The following UNC13A variants were observed in gnomAD, a reference collection of about 807,000 sequenced individuals.
UNC13A encodes unc-13 homolog A.
Under a neutral mutation model 219.7 loss-of-function variants are expected in UNC13A, and 61 were observed. That is an observed-to-expected ratio of 0.28 (90% CI 0.23 to 0.34). The LOEUF (loss-of-function observed/expected upper bound fraction) is 0.34, where lower values mean the gene tolerates loss of function less well. UNC13A is among the 10% of genes least tolerant of loss of function. The pLI is 1.00. For missense variants in UNC13A, 1,476 were observed against 2,270.3 expected, an observed-to-expected ratio of 0.65 and a Z score of 7.11; for synonymous variants, 920 against 884.6, an observed-to-expected ratio of 1.04 and a Z score of -0.71.
At chr19:17,620,516 AACCCCCCACCCACC>A (rs1463728314) in intron 38 of UNC13A, among the ~76,000 whole-genome samples, 163 bp downstream of exon 38, 1 of 138,228 alleles carries the variant, frequency 7.2e-6, no homozygotes, top group Non-Finnish European at 1.6e-5. Flanking sequence ...CCTACCCACC[AACCCCCCACCCACC>A]ACCCCCCACG....
chr19:17,672,533 G>A (rs1465009701), intron 3 of UNC13A, 38 bp from the exon 4 acceptor site: 1 of 1,548,202 alleles, frequency 6.5e-7, no homozygotes, highest in East Asian at 2.3e-5. Flanking sequence ...GGGAGCAGGA[G>A]GGAGGAAACG....
chr19:17,624,365 C>T (rs1286882826), intron 35 of UNC13A, among the ~76,000 whole-genome samples: 3 of 152,132 alleles, frequency 2.0e-5, no homozygotes, highest in East Asian at 1.9e-4. Flanking sequence ...GCAATCTGCC[C>T]GCCTCGAGCC....
intron 41 of UNC13A, among the ~76,000 whole-genome samples, chr19:17,615,665 A>G (rs2076654970): frequency 6.6e-6 from 1 of 152,176 alleles, no homozygotes; most frequent in Non-Finnish European, 1.5e-5. Flanking sequence ...CCTGGGTGAC[A>G]GAGTGAGACT....
In UNC13A at chr19:17,655,370, T is replaced by C. The variant is rs1220187667; in HGVS notation, c.1296A>G (p.Arg432=). Reference sequence around the variant, plus strand: ...GCCCCTCCTGGCCTTCCTCATCCTCTCTCGGCCTGAAACTGAGGCAGGGAA... The same window carrying C: ...GCCCCTCCTGGCCTTCCTCATCCTCCCTCGGCCTGAAACTGAGGCAGGGAA... The part of the protein sequence containing the change: ...PPKDEESFRP[R]EDEEGQEGQD... Residue 432 remains arginine, a synonymous_variant, in exon 11 of 44, where the codon AGA becomes AGG. Coordinates refer to ENST00000519716, the MANE Select transcript of UNC13A (RefSeq NM_001080421.3). 3.2e-6 allele frequency: 5 copies of C among 1,582,724 alleles called. No individual in the cohort carries two copies. In the East Asian group the frequency reaches 1.2e-4, roughly 36 times the overall value.
rs1660853144 is a variant in UNC13A at position 17,609,979 on chromosome 19, T to C, written c.4772A>G (p.Asn1591Ser). The change falls in exon 43 of 44, where the codon AAC (asparagine) becomes AGC (serine). Residue 1591 changes from asparagine (N) to serine (S), a missense_variant. Transcript: ENST00000519716. The stretch of plus-strand genomic sequence containing the variant: ...ATTGTACTTGGGAGCCCAGCTATTG[T>C]TCTTGGATTTGGTCGCAAACTTGCG... ...KKRKFATKSK[N>S]NSWAPKYNES... The C allele has an allele frequency of 6.2e-7, 1 of 1,613,968 alleles. No homozygotes were observed. Among genetic ancestry groups the C allele is most frequent in the Admixed American group, 1.7e-5 (1 of 60,020 alleles).
Position 17,658,295 on chromosome 19 carries a change from G to C in UNC13A, c.560-26C>G. 5 of 1,594,822 alleles carry C rather than the reference G, an allele frequency of 3.1e-6. No homozygotes were observed. In the Middle Eastern group the frequency reaches 5.0e-4, roughly 158 times the overall value. On this transcript the variant is annotated intron_variant, in intron 8 of 43. Coordinates refer to ENST00000519716, the MANE Select transcript of UNC13A (RefSeq NM_001080421.3). Reference sequence around the variant, plus strand: ...CTGGAAGAGAGAGGCGGTATGGGAAGAGGGTGAGGAAGAGAGAGTGCACAT... The same window carrying C: ...CTGGAAGAGAGAGGCGGTATGGGAACAGGGTGAGGAAGAGAGAGTGCACAT...
In UNC13A at chr19:17,668,096, C is replaced by A. The variant is rs191971056; in HGVS notation, c.468+21G>T. 4.1e-4 allele frequency: 658 copies of A among 1,610,750 alleles called. 3 individuals are homozygous for A. The African/African-American group carries it at 7.8e-3, about 19-fold the overall frequency. On this transcript the variant is annotated intron_variant, in intron 6 of 43. Coordinates refer to ENST00000519716, the MANE Select transcript of UNC13A (RefSeq NM_001080421.3). ...AGACAGAAACAAGGAAGAAACAGTC[C>A]CCTCCCACCCCAACACTCACTTCAT...
Position 17,620,814 on chromosome 19 carries a change from C to T in UNC13A, c.4243-92G>A, listed in dbSNP as rs900236430. ...CCTGCCCCCTCAAAGCACAGTCTCA[C>T]TTCCCAGCCCAGGAGCTCCTCCCCA... On this transcript the variant is annotated intron_variant, in intron 37 of 43. Coordinates refer to ENST00000519716, the MANE Select transcript of UNC13A (RefSeq NM_001080421.3). 2.7e-6 allele frequency: 4 copies of T among 1,464,306 alleles called. No individual in the cohort carries two copies. In the African/African-American group the frequency reaches 5.6e-5, roughly 20 times the overall value. The allele number at this position is 1,464,306 out of a possible 1,614,324, so 90.7% of individuals were successfully genotyped here. A position where few individuals can be genotyped will look rare whatever the true frequency, so the allele number is the denominator to read the frequency against.
chr19:17,652,850 A>G (rs1437819659), intron 11 of UNC13A, among the ~76,000 whole-genome samples, 173 bp from the exon 12 acceptor site: 1 of 152,124 alleles, frequency 6.6e-6, no homozygotes, highest in African/African-American at 2.4e-5. Flanking sequence ...TAGTTTGTCC[A>G]TCTGTAAGAT....
intron 28 of UNC13A, among the ~76,000 whole-genome samples, chr19:17,631,047 CCGTCCATCCT>C: frequency 6.7e-6 from 1 of 149,468 alleles, no homozygotes; most frequent in Admixed American, 6.7e-5. Flanking sequence ...TCTGAGTCCT[CCGTCCATCCT>C]TCCCTCCCTC....
chr19:17,624,954 T>TG lies in UNC13A; in HGVS notation c.4074-3dup. 1.9e-6 allele frequency: 3 copies of TG among 1,612,950 alleles called. No individual in the cohort carries two copies. The highest frequency in any genetic ancestry group is 2.5e-6 in the Non-Finnish European group (3 of 1,179,210). On this transcript the variant is annotated splice_polypyrimidine_tract_variant and splice_region_variant and intron_variant, in intron 34 of 43. Coordinates refer to ENST00000519716, the MANE Select transcript of UNC13A (RefSeq NM_001080421.3). ...CAGATTTTGGCAAAGAGGGTCAGGC[T>TG]GGGGACGAGGGGCAGGTCTGAGAGA...
chr19:17,601,394 A>G lies in UNC13A; in HGVS notation c.*4660T>C, dbSNP rs1277603066. 6.6e-6 allele frequency: 1 copy of G among 152,640 alleles called. No individual in the cohort carries two copies. The highest frequency in any genetic ancestry group is 1.9e-4 in the East Asian group (1 of 5,204). 9.5% of individuals were successfully genotyped at this position (152,640 alleles called of 1,614,324 possible). A position where few individuals can be genotyped will look rare whatever the true frequency, so the allele number is the denominator to read the frequency against. On this transcript the variant is annotated 3_prime_UTR_variant, in exon 44 of 44. Coordinates refer to ENST00000519716, the MANE Select transcript of UNC13A (RefSeq NM_001080421.3). ...TTAATAAAATATTTTTACAGAGACC[A>G]AAAAGTCAGAATAGTGCAAAACATC...
intron 26 of UNC13A, among the ~76,000 whole-genome samples, chr19:17,634,166 G>T (rs1186228566): frequency 6.6e-6 from 1 of 150,880 alleles, no homozygotes; most frequent in East Asian, 2.0e-4. Context: ...CTATTTATCT[G>T]TCCTTCCATC....
In UNC13A at chr19:17,649,435, G is replaced by A. The variant is rs369884637; in HGVS notation, c.1518+74C>T. On this transcript the variant is annotated intron_variant, in intron 13 of 43. Coordinates refer to ENST00000519716, the MANE Select transcript of UNC13A (RefSeq NM_001080421.3). The surrounding 1 kb of genome is among the most constrained non-coding windows in gnomAD (Gnocchi z 4.4). ...TGGCCCCCAACCCCAGGTTGACCAT[G>A]GGCAGTTCCACAGGTTGTGCACTGC... 2.7e-5 allele frequency: 43 copies of A among 1,613,372 alleles called. No individual in the cohort carries two copies. Among genetic ancestry groups the A allele is most frequent in the Middle Eastern group, 1.6e-4 (1 of 6,084 alleles).
chr19:17,687,634 C>G (rs2080139309), intron 1 of UNC13A, among the ~76,000 whole-genome samples: 1 of 152,078 alleles, frequency 6.6e-6, no homozygotes, highest in Non-Finnish European at 1.5e-5. Flanking sequence ...CTGGGAGAGT[C>G]CTAGAACTCG....
chr19:17,618,033 G>A (rs950510805), intron 40 of UNC13A, among the ~76,000 whole-genome samples, 184 bp from the exon 41 acceptor site: 3 of 152,088 alleles, frequency 2.0e-5, no homozygotes, highest in African/African-American at 7.2e-5. Context: ...CGTCTTCCAG[G>A]AAGGCCTGGC....
intron 37 of UNC13A, among the ~76,000 whole-genome samples, chr19:17,621,516 C>A (rs544852551): frequency 6.6e-6 from 1 of 152,034 alleles, no homozygotes. Flanking sequence ...GGTGATCTAG[C>A]GTGTAGGCTC....
chr19:17,606,335 C>T lies in UNC13A; in HGVS notation c.4831G>A (p.Gly1611Ser). ...ACCTGCAGCTCATAGCACTCGGGAC[C>T]CGCGTCGGCGCTCAGCGTGCTGCGT... ...SFQFTLSADA[G>S]PECYELQVCV... Residue 1611 changes from glycine (G) to serine (S), a missense_variant, in exon 44 of 44, where the codon GGT becomes AGT. Transcript: ENST00000519716. 3 of 1,546,752 alleles carry T rather than the reference C, an allele frequency of 1.9e-6. No individual in the cohort carries two copies. The highest frequency in any genetic ancestry group is 1.7e-6 in the Non-Finnish European group (2 of 1,147,440).
rs1171614982 is a variant in UNC13A at position 17,626,662 on chromosome 19, C to T, written c.4044G>A (p.Leu1348=). Residue 1348 remains leucine, a synonymous_variant, in exon 34 of 44, where the codon TTG becomes TTA. Transcript: ENST00000519716. The part of the protein sequence containing the change: ...SSVAQDADNV[L]QPIMDLLDSN... Reference sequence around the variant, plus strand: ...TGTCCAGCAGGTCCATGATGGGCTGCAACACATTGTCCGCGTCCTGGGCCA... The same window carrying T: ...TGTCCAGCAGGTCCATGATGGGCTGTAACACATTGTCCGCGTCCTGGGCCA... 2 of 1,566,434 alleles carry T rather than the reference C, an allele frequency of 1.3e-6. No homozygotes were observed. Among genetic ancestry groups the T allele is most frequent in the African/African-American group, 1.4e-5 (1 of 74,036 alleles).
Sources: allele counts gnomAD v4.1 joint callset (sites outside exome capture counted in the v4.1 genomes callset), GRCh38; gene constraint gnomAD v4.1.1; non-coding constraint Gnocchi (gnomAD v3.1); transcripts MANE v1.5; gene names NCBI Gene and HGNC (gene_info 2026-07-23, HGNC 2026-07-21).